Variants in POLK observed in about 807,000 individuals in gnomAD.
POLK encodes polymerase (DNA directed) kappa.
In POLK, 76 loss-of-function variants were observed where a neutral mutation model predicts 94.0. That is an observed-to-expected ratio of 0.81 (90% CI 0.67 to 0.98). The LOEUF (loss-of-function observed/expected upper bound fraction) is 0.98, where lower values mean the gene tolerates loss of function less well. Ranked by LOEUF, POLK falls within the 50% of genes least tolerant of loss-of-function variation. POLK has a pLI of 0.00. For missense variants in POLK, 954 were observed against 1,010.1 expected, an observed-to-expected ratio of 0.94 and a Z score of 0.75; for synonymous variants, 349 against 325.4, an observed-to-expected ratio of 1.07 and a Z score of -0.78.
At chr5:75,525,216 A>C (rs1340114960) in intron 1 of POLK, among the ~76,000 whole-genome samples, 1 of 152,250 alleles carries the variant, frequency 6.6e-6, no homozygotes, top group African/African-American at 2.4e-5. Context: ...CCAGATGTTG[A>C]ACTATCTGAC....
intron 6 of POLK, 79 bp downstream of exon 6, chr5:75,577,012 AT>A: frequency 1.2e-6 from 1 of 840,976 alleles, no homozygotes; most frequent in African/African-American, 1.7e-5. Context: ...AATCCAATTA[AT>A]TTATTAGCCT....
At chr5:75,531,617 A>T (rs1264524172) in intron 1 of POLK, among the ~76,000 whole-genome samples, 1 of 151,866 alleles carries the variant, frequency 6.6e-6, no homozygotes, top group African/African-American at 2.4e-5. Flanking sequence ...AGATGGTGAA[A>T]CCCCGTCTCT....
intron 8 of POLK, among the ~76,000 whole-genome samples, chr5:75,584,445 G>T (rs1772355928): frequency 6.6e-6 from 1 of 152,080 alleles, no homozygotes; most frequent in African/African-American, 2.4e-5. Context: ...AGGGTGGGCG[G>T]ATCACCTAAG....
chr5:75,527,502 T>TATAC (rs555220325), intron 1 of POLK, among the ~76,000 whole-genome samples: 1,710 of 132,976 alleles, frequency 0.013, 39 homozygotes, highest in African/African-American at 0.043. Context: ...AATTTATATA[T>TATAC]ACACACACAC....
chr5:75,594,473 G>A (rs1374396222), intron 12 of POLK, among the ~76,000 whole-genome samples: 1 of 152,160 alleles, frequency 6.6e-6, no homozygotes, highest in Non-Finnish European at 1.5e-5. Flanking sequence ...AATTAAAGTT[G>A]TTATTTTCCT....
chr5:75,596,116 T>A, intron 12 of POLK, 106 bp from the exon 13 acceptor site: 1 of 661,942 alleles, frequency 1.5e-6, no homozygotes. Context: ...AGTTTCTCTC[T>A]AGCCAACCTT....
At chr5:75,559,515 TTTGTTTTG>T (rs1197641330) in intron 3 of POLK, among the ~76,000 whole-genome samples, 36 of 142,924 alleles carry the variant, frequency 2.5e-4, no homozygotes, top group South Asian at 9.2e-4. Context: ...GTTTTTTTGT[TTTGTTTTG>T]TTTTTTTTTT....
chr5:75,523,070 G>A (rs191148984), intron 1 of POLK, among the ~76,000 whole-genome samples: 53 of 152,224 alleles, frequency 3.5e-4, no homozygotes, highest in African/African-American at 1.2e-3. Context: ...AGGGTTAGCT[G>A]TTGTAATTCA....
intron 1 of POLK, among the ~76,000 whole-genome samples, chr5:75,530,399 T>TTC: frequency 9.4e-6 from 1 of 105,852 alleles, no homozygotes; most frequent in Non-Finnish European, 2.0e-5. Context: ...CCTTTTTCTT[T>TTC]TTTTTTTTTT....
At chr5:75,516,075 AT>A (rs1303709778) in intron 1 of POLK, among the ~76,000 whole-genome samples, 2 of 151,926 alleles carry the variant, frequency 1.3e-5, no homozygotes, top group Admixed American at 1.3e-4. Flanking sequence ...AAATAAGATT[AT>A]TTTTCTTTTA....
In POLK at chr5:75,576,771, C is replaced by G; in HGVS notation, c.541-9C>G. 6.9e-7 allele frequency: 1 copy of G among 1,449,600 alleles called. No individual in the cohort carries two copies. Among genetic ancestry groups the G allele is most frequent in the Non-Finnish European group, 9.2e-7 (1 of 1,092,680 alleles). 89.8% of individuals were successfully genotyped at this position (1,449,600 alleles called of 1,614,324 possible). ...GCAAAATTTAAACTTTTTTTTGTTT[C>G]CTTTGAAGGTTAAGGAAATACTTGC... On this transcript the variant is annotated splice_polypyrimidine_tract_variant and intron_variant, in intron 5 of 14. Transcript: ENST00000241436.
At chr5:75,514,925 G>A (rs140219440) in intron 1 of POLK, among the ~76,000 whole-genome samples, 221 of 152,058 alleles carry the variant, frequency 1.5e-3, no homozygotes, top group Non-Finnish European at 2.5e-3. Flanking sequence ...AAACATTTGA[G>A]AATCTGTCAG....
intron 1 of POLK, among the ~76,000 whole-genome samples, chr5:75,542,272 G>T (rs1769777405): frequency 6.6e-6 from 1 of 152,066 alleles, no homozygotes; most frequent in Admixed American, 6.6e-5. Context: ...ACTTACTGTA[G>T]TTTAGCCTTT....
At chr5:75,527,997 TCAGA>T (rs767367720) in intron 1 of POLK, among the ~76,000 whole-genome samples, 4 of 152,196 alleles carry the variant, frequency 2.6e-5, no homozygotes, top group Non-Finnish European at 5.9e-5. Context: ...ATTGGTACTC[TCAGA>T]CAAAGATTTT....
chr5:75,608,625 T>C, the POLK span, among the ~76,000 whole-genome samples: 75 of 152,300 alleles, frequency 4.9e-4, no homozygotes, highest in African/African-American at 1.6e-3. Flanking sequence ...GAATGGAACA[T>C]GAAGGTAGGG....
chr5:75,525,007 G>A (rs1222378794), intron 1 of POLK, among the ~76,000 whole-genome samples: 1 of 152,178 alleles, frequency 6.6e-6, no homozygotes, highest in Admixed American at 6.5e-5. Context: ...GACATAGAGA[G>A]TTTTCAGTTA....
intron 1 of POLK, among the ~76,000 whole-genome samples, chr5:75,515,331 A>G (rs1768273705): frequency 2.0e-5 from 3 of 152,238 alleles, no homozygotes; most frequent in Non-Finnish European, 1.5e-5. Flanking sequence ...TAATAAAAAT[A>G]AAAACATAGC....
chr5:75,513,091 A>G (rs942139494), intron 1 of POLK: 1 of 152,194 alleles, frequency 6.6e-6, no homozygotes, highest in Non-Finnish European at 1.5e-5. Context: ...TTCTTCCTGC[A>G]TGGGGGATTA....
chr5:75,571,128 A>AC (rs1471550784), intron 4 of POLK, among the ~76,000 whole-genome samples: 3 of 152,184 alleles, frequency 2.0e-5, no homozygotes, highest in African/African-American at 7.2e-5. Context: ...TGTCCTCCTA[A>AC]AAATCAGTTA....
Sources: allele counts gnomAD v4.1 joint callset (sites outside exome capture counted in the v4.1 genomes callset), GRCh38; gene constraint gnomAD v4.1.1; transcripts MANE v1.5; gene names NCBI Gene and HGNC (gene_info 2026-07-23, HGNC 2026-07-21).